The following ABCB1 variants were observed in gnomAD, a reference collection of about 807,000 sequenced individuals.
The protein encoded by ABCB1 is ATP binding cassette subfamily B member 1, also known as ATP-dependent translocase ABCB1.
Under a neutral mutation model 142.0 loss-of-function variants are expected in ABCB1, and 69 were observed. The observed-to-expected ratio is 0.49, with a 90% CI of 0.40 to 0.59. ABCB1 has a LOEUF of 0.59. Ranked by LOEUF, ABCB1 falls within the 20% of genes least tolerant of loss-of-function variation. ABCB1 has a pLI of 0.00. For synonymous variants in ABCB1, 532 were observed against 539.2 expected, an observed-to-expected ratio of 0.99 and a Z score of 0.18; for missense variants, 1,326 against 1,554.7, an observed-to-expected ratio of 0.85 and a Z score of 2.47.
intron 27 of ABCB1, among the ~76,000 whole-genome samples, chr7:87,505,668 C>T (rs907619552): frequency 2.0e-4 from 31 of 152,164 alleles, no homozygotes; most frequent in African/African-American, 7.5e-4. Flanking sequence ...CTTAGGTCAA[C>T]GCAAACTGAT....
At chr7:87,659,324 G>T in intron 1 of ABCB1, 1 of 287,806 alleles carries the variant, frequency 3.5e-6, no homozygotes, top group Non-Finnish European at 6.8e-6. Context: ...CTAGGGGGCT[G>T]TTTGAATACT....
At chr7:87,570,038 A>C in intron 5 of ABCB1, 134 bp downstream of exon 5, 1 of 808,280 alleles carries the variant, frequency 1.2e-6, no homozygotes, top group South Asian at 1.5e-5. Flanking sequence ...AAAAGTCTAC[A>C]TATACTCTTC....
intron 4 of ABCB1, among the ~76,000 whole-genome samples, chr7:87,580,494 CT>C (rs1271529767): frequency 6.6e-6 from 1 of 152,032 alleles, no homozygotes; most frequent in East Asian, 1.9e-4. Context: ...TTATCCTTGA[CT>C]TTTGGGAATT....
At chr7:87,618,130 G>A (rs1021087247) in intron 1 of ABCB1, among the ~76,000 whole-genome samples, 3 of 152,078 alleles carry the variant, frequency 2.0e-5, no homozygotes, top group Non-Finnish European at 4.4e-5. Context: ...CTAATTCCGG[G>A]GGCCCTGTTG....
At position 87,515,346 on chromosome 7, in the gene ABCB1, A is replaced by C; in HGVS notation, c.3167T>G (p.Leu1056Arg). Residue 1056 changes from leucine (L) to arginine (R), a missense_variant, in exon 25 of 28, where the codon CTG becomes CGG. Coordinates refer to ENST00000622132, the MANE Select transcript of ABCB1 (RefSeq NM_001348946.2). Reference protein sequence around the residue: ...TRPDIPVLQGLSLEVKKGQTL... With the variant: ...TRPDIPVLQGRSLEVKKGQTL... ...CTGGCCCTTCTTCACCTCCAGGCTC[A>C]GTCCCTGAAGCACTGGGATGTCCGG... is the stretch of plus-strand genomic sequence containing the variant. The C allele has an allele frequency of 6.2e-7, 1 of 1,614,200 alleles. No individual in the cohort carries two copies. Among genetic ancestry groups the C allele is most frequent in the Non-Finnish European group, 8.5e-7 (1 of 1,180,014 alleles).
intron 1 of ABCB1, among the ~76,000 whole-genome samples, chr7:87,628,124 G>T (rs139348648): frequency 1.4e-4 from 22 of 152,288 alleles, no homozygotes; most frequent in African/African-American, 4.1e-4. Context: ...TACAGGCAAG[G>T]GGGGGGCAAT....
chr7:87,638,810 CGT>C (rs1247807071), intron 1 of ABCB1, among the ~76,000 whole-genome samples: 1 of 151,990 alleles, frequency 6.6e-6, no homozygotes, highest in East Asian at 1.9e-4. Context: ...TCTGTCGACT[CGT>C]GTTATGACTT....
intron 2 of ABCB1, among the ~76,000 whole-genome samples, chr7:87,598,738 C>T (rs568746133): frequency 1.3e-5 from 2 of 152,290 alleles, no homozygotes; most frequent in African/African-American, 4.8e-5. Context: ...GTTACAGTTA[C>T]GATGTTCTTT....
chr7:87,523,541 G>A (rs1241922960), intron 21 of ABCB1, among the ~76,000 whole-genome samples: 1 of 152,154 alleles, frequency 6.6e-6, no homozygotes, highest in South Asian at 2.1e-4. Context: ...GGAAGCGCTC[G>A]AACTGGCGAG....
chr7:87,639,496 T>C (rs1181663400), intron 1 of ABCB1, among the ~76,000 whole-genome samples: 1 of 152,202 alleles, frequency 6.6e-6, no homozygotes, highest in Non-Finnish European at 1.5e-5. Context: ...TGTTAAAGTC[T>C]ACCTCTATGA....
intron 3 of ABCB1, among the ~76,000 whole-genome samples, chr7:87,589,627 A>C (rs1818902147): frequency 6.6e-6 from 1 of 152,018 alleles, no homozygotes; most frequent in South Asian, 2.1e-4. Flanking sequence ...CTACAAAAAA[A>C]TTTAAAAATT....
At chr7:87,674,230 T>C (rs1211584829) in intron 1 of ABCB1, among the ~76,000 whole-genome samples, 2 of 152,180 alleles carry the variant, frequency 1.3e-5, no homozygotes, top group Non-Finnish European at 2.9e-5. Context: ...ACACCCTCAT[T>C]GGCTGGGGCA....
In ABCB1 at chr7:87,531,299, C is replaced by A; in HGVS notation, c.2680G>T (p.Gly894Trp). ...LKDKKELEGS[G>W]KIATEAIENF... Reference sequence around the variant, plus strand: ...TCATATTTAGTTTGACTCACCTTCCCAGAACCTTCTAGTTCTTTCTTATCT... The same window carrying A: ...TCATATTTAGTTTGACTCACCTTCCAAGAACCTTCTAGTTCTTTCTTATCT... The change falls in exon 21 of 28, where the codon GGG becomes TGG. Residue 894 changes from glycine to tryptophan, a missense_variant. Gly to Trp is a radical substitution (Grantham distance 184). Transcript: ENST00000622132. The A allele has an allele frequency of 6.2e-7, 1 of 1,612,710 alleles. No homozygotes were observed. Among genetic ancestry groups the A allele is most frequent in the Non-Finnish European group, 8.5e-7 (1 of 1,179,156 alleles).
chr7:87,503,559 C>T lies in ABCB1; in HGVS notation c.*684G>A, dbSNP rs1814582274. On this transcript the variant is annotated 3_prime_UTR_variant, in exon 28 of 28. Coordinates refer to ENST00000622132, the MANE Select transcript of ABCB1 (RefSeq NM_001348946.2). ...TTACTATACATCTGAATAATATGCA[C>T]TTCATAATTGTGCCTCACCCCACCT... is the stretch of plus-strand genomic sequence containing the variant. 6.5e-6 allele frequency: 1 copy of T among 153,172 alleles called. No homozygotes were observed. The highest frequency in any genetic ancestry group is 2.4e-5 in the African/African-American group (1 of 41,420). The allele number at this position is 153,172 out of a possible 1,614,324, so 9.5% of individuals were successfully genotyped here. A position where few individuals can be genotyped will look rare whatever the true frequency, so the allele number is the denominator to read the frequency against.
At chr7:87,577,463 T>C (rs904978939) in intron 4 of ABCB1, among the ~76,000 whole-genome samples, 1 of 152,180 alleles carries the variant, frequency 6.6e-6, no homozygotes, top group African/African-American at 2.4e-5. Flanking sequence ...AGTTTAATTT[T>C]CCATTTTTTG....
chr7:87,696,020 A>G (rs1333641491), intron 1 of ABCB1, among the ~76,000 whole-genome samples: 1 of 152,098 alleles, frequency 6.6e-6, no homozygotes, highest in African/African-American at 2.4e-5. Context: ...ACTTTTCACC[A>G]TTTGTTTCTG....
At chr7:87,619,334 T>C (rs1326806452) in intron 1 of ABCB1, among the ~76,000 whole-genome samples, 1 of 152,008 alleles carries the variant, frequency 6.6e-6, no homozygotes, top group African/African-American at 2.4e-5. Flanking sequence ...AGGTCATGAG[T>C]TTGAGACCAG....
At chr7:87,613,512 G>A (rs1026077966) in intron 1 of ABCB1, among the ~76,000 whole-genome samples, 3 of 151,992 alleles carry the variant, frequency 2.0e-5, no homozygotes, top group Non-Finnish European at 2.9e-5. Flanking sequence ...ACACATATAC[G>A]CCATGGAATA....
chr7:87,528,367 C>A (rs755861343), intron 21 of ABCB1, among the ~76,000 whole-genome samples: 1 of 151,920 alleles, frequency 6.6e-6, no homozygotes, highest in Non-Finnish European at 1.5e-5. Context: ...AATAATAAGA[C>A]GAGTAACTAC....
Sources: allele counts gnomAD v4.1 joint callset (sites outside exome capture counted in the v4.1 genomes callset), GRCh38; gene constraint gnomAD v4.1.1; transcripts MANE v1.5; gene names NCBI Gene and HGNC (gene_info 2026-07-23, HGNC 2026-07-21).